ETS2: variants seen among roughly 807,000 people sequenced by gnomAD.
ETS2 encodes ETS proto-oncogene 2, transcription factor.
Under a neutral mutation model 54.9 loss-of-function variants are expected in ETS2, and 19 were observed. The observed-to-expected ratio is 0.35, with a 90% CI of 0.24 to 0.51. ETS2 has a LOEUF of 0.51. ETS2 is among the 20% of genes least tolerant of loss of function. The pLI is 0.97. For synonymous variants in ETS2, 219 were observed against 229.3 expected (o/e 0.95, Z 0.41); for missense variants, 417 against 593.0 (o/e 0.70, Z 3.08).
chr21:38,819,750 G>A lies in ETS2; in HGVS notation c.1059G>A (p.Val353=). The A allele has an allele frequency of 1.2e-6, 2 of 1,613,128 alleles. No homozygotes were observed. Among genetic ancestry groups the A allele is most frequent in the South Asian group, 1.1e-5 (1 of 90,968 alleles). The change falls in exon 8 of 10, where the codon GTG becomes GTA. Residue 353 remains valine (V), a synonymous_variant. Coordinates refer to ENST00000360938, the MANE Select transcript of ETS2 (RefSeq NM_005239.6). ...EQGKPVIPAA[V]LAGFTGSGPI... ...GCAAACCAGTTATACCTGCAGCTGT[G>A]CTGGCCGGCTTCACAGGTGTGTGTG...
At chr21:38,809,909 C>A in intron 1 of ETS2, 126 bp from the exon 2 acceptor site, 1 of 616,784 alleles carries the variant, frequency 1.6e-6, no homozygotes, top group Non-Finnish European at 2.8e-6. Context: ...CAAGAATTCC[C>A]TGCATTCACT....
In ETS2 at chr21:38,823,831, G is replaced by A. The variant is rs150174386; in HGVS notation, c.*942G>A. ...ATATGTTTTCCACTTCTTTGCATGC[G>A]TTTAAGTCAGTTTATACACAAAATG... On this transcript the variant is annotated 3_prime_UTR_variant, in exon 10 of 10. Transcript: ENST00000360938. 5.2e-5 allele frequency: 8 copies of A among 152,616 alleles called. No homozygotes were observed. Among genetic ancestry groups the A allele is most frequent in the African/African-American group, 1.4e-4 (6 of 41,524 alleles). 9.5% of individuals were successfully genotyped at this position (152,616 alleles called of 1,614,324 possible).
intron 9 of ETS2, 59 bp from the exon 10 acceptor site, chr21:38,822,615 T>G (rs991752234): frequency 7.1e-7 from 1 of 1,415,530 alleles, no homozygotes; most frequent in Non-Finnish European, 9.9e-7. Flanking sequence ...AGGAATGTCA[T>G]TCACTTTTTC....
chr21:38,815,045 GA>G (rs2060927827), intron 5 of ETS2, 64 bp downstream of exon 5: 25 of 1,527,498 alleles, frequency 1.6e-5, no homozygotes, highest in Non-Finnish European at 2.2e-5. Context: ...GACTGATTGG[GA>G]AAGTCACGTG....
chr21:38,812,507 A>AC (rs1479257210), intron 2 of ETS2, among the ~76,000 whole-genome samples: 1 of 152,256 alleles, frequency 6.6e-6, no homozygotes, highest in Non-Finnish European at 1.5e-5. Context: ...GTGGCCGGGC[A>AC]CCGTGGCTCA....
At chr21:38,820,395 G>A (rs1381823474) in intron 8 of ETS2, among the ~76,000 whole-genome samples, 1 of 152,108 alleles carries the variant, frequency 6.6e-6, no homozygotes, top group East Asian at 1.9e-4. Context: ...AATCTGATAA[G>A]TTTAAAATAA....
rs926030377 is a variant in ETS2, at chr21:38,806,888, T to G, written c.-1+768T>G. 22 of 958,558 alleles carry G rather than the reference T, an allele frequency of 2.3e-5. No individual in the cohort carries two copies. Among genetic ancestry groups the G allele is most frequent in the Non-Finnish European group, 2.7e-5 (22 of 805,546 alleles). 59.4% of individuals were successfully genotyped at this position (958,558 alleles called of 1,614,324 possible). ...ATTTTTTACGGCAGGAGACCTTTTA[T>G]GTTAGCCTGTACACAATTTCAGGGT... On this transcript the variant is annotated intron_variant, in intron 1 of 9. Transcript: ENST00000360938. The surrounding 1 kb of genome is among the most constrained non-coding windows in gnomAD (Gnocchi z 4.3).
chr21:38,818,378 G>A, intron 6 of ETS2, 47 bp from the exon 7 acceptor site: 2 of 1,611,864 alleles, frequency 1.2e-6, no homozygotes, highest in Non-Finnish European at 1.7e-6. Flanking sequence ...TAGTTACTGG[G>A]GTAACACTGA....
intron 6 of ETS2, 86 bp from the exon 7 acceptor site, chr21:38,818,339 G>C: frequency 6.3e-7 from 1 of 1,588,252 alleles, no homozygotes; most frequent in Non-Finnish European, 8.6e-7. Flanking sequence ...AGTGTGCGGA[G>C]TGCTCACCTG....
intron 5 of ETS2, among the ~76,000 whole-genome samples, chr21:38,816,351 A>G (rs377597393): frequency 3.3e-5 from 5 of 152,214 alleles, no homozygotes; most frequent in East Asian, 1.9e-4. Flanking sequence ...GAACTTGGAC[A>G]GGGCTTTTCT....
upstream of ETS2, chr21:38,805,662 T>C: frequency 8.4e-7 from 1 of 1,194,760 alleles, no homozygotes; most frequent in Non-Finnish European, 1.1e-6. This position sits in a 1 kb window ranked among gnomAD's most constrained non-coding sequence, Gnocchi z 5.2. Flanking sequence ...CCTCGCCGCC[T>C]CCGCCCTCCT....
At chr21:38,805,601 A>G, upstream of ETS2, 1 of 1,262,508 alleles carries the variant, frequency 7.9e-7, no homozygotes, top group Non-Finnish European at 1.0e-6. This position sits in a 1 kb window ranked among gnomAD's most constrained non-coding sequence, Gnocchi z 5.2. Context: ...GAGTGACAGC[A>G]GGAGGCGGAG....
chr21:38,806,495 C>A lies in ETS2; in HGVS notation c.-1+375C>A, dbSNP rs1447844982. ...GGGTCCTGCCCAGTGGATGTCCCGG[C>A]GAACATGATTTCGCGAACGGGAGTG... On this transcript the variant is annotated intron_variant, in intron 1 of 9. Coordinates refer to ENST00000360938, the MANE Select transcript of ETS2 (RefSeq NM_005239.6). The surrounding 1 kb of genome is among the most constrained non-coding windows in gnomAD (Gnocchi z 4.3). The A allele has an allele frequency of 1.0e-6, 1 of 985,476 alleles. No homozygotes were observed. 61.0% of individuals were successfully genotyped at this position (985,476 alleles called of 1,614,324 possible).
intron 1 of ETS2, among the ~76,000 whole-genome samples, chr21:38,807,951 G>T (rs1473345537): frequency 6.6e-6 from 1 of 152,192 alleles, no homozygotes; most frequent in African/African-American, 2.4e-5. Flanking sequence ...CTTATTTCAT[G>T]CAGAGAAATG....
chr21:38,813,892 G>T (rs751940105), intron 3 of ETS2, among the ~76,000 whole-genome samples: 1 of 152,144 alleles, frequency 6.6e-6, no homozygotes, highest in Non-Finnish European at 1.5e-5. Flanking sequence ...TCAGCTCTAC[G>T]CCTAGTTTAA....
Position 38,806,507 on chromosome 21 carries a change from C to T in ETS2, c.-1+387C>T, listed in dbSNP as rs1336708894. 1.0e-5 allele frequency: 10 copies of T among 985,360 alleles called. No individual in the cohort carries two copies. The highest frequency in any genetic ancestry group is 1.7e-5 in the African/African-American group (1 of 57,246). The allele number at this position is 985,360 out of a possible 1,614,324, so 61.0% of individuals were successfully genotyped here. ...GTGGATGTCCCGGCGAACATGATTT[C>T]GCGAACGGGAGTGGGGGCACAGGAG... is the stretch of plus-strand genomic sequence containing the variant. On this transcript the variant is annotated intron_variant, in intron 1 of 9. Transcript: ENST00000360938. The surrounding 1 kb of genome is among the most constrained non-coding windows in gnomAD (Gnocchi z 4.3).
At chr21:38,818,331 T>A in intron 6 of ETS2, 94 bp from the exon 7 acceptor site, 1 of 1,554,472 alleles carries the variant, frequency 6.4e-7, no homozygotes, top group Non-Finnish European at 8.8e-7. Context: ...AGGGCTGGAG[T>A]GTGCGGAGTG....
Position 38,819,774 on chromosome 21 carries a change from TGGAACTCC to T in ETS2, c.1075+10_1075+17del, listed in dbSNP as rs1385394414. The T allele has an allele frequency of 1.2e-6, 2 of 1,609,926 alleles. No individual in the cohort carries two copies. Among genetic ancestry groups the T allele is most frequent in the Non-Finnish European group, 1.7e-6 (2 of 1,178,188 alleles). On this transcript the variant is annotated intron_variant, in intron 8 of 9. Transcript: ENST00000360938. ...TGCTGGCCGGCTTCACAGGTGTGTG[TGGAACTCC>T]GAGAGCCTGGCCGCCCAGTCTCCTG...
intron 6 of ETS2, among the ~76,000 whole-genome samples, chr21:38,817,305 C>G (rs1224308470): frequency 6.6e-6 from 1 of 152,126 alleles, no homozygotes; most frequent in African/African-American, 2.4e-5. Flanking sequence ...ATTTGGAAGT[C>G]TTAGTATGAA....
Sources: gnomAD v4.1 joint callset for allele counts (sites outside exome capture counted in the v4.1 genomes callset) on GRCh38, gnomAD v4.1.1 for gene constraint, Gnocchi (gnomAD v3.1) non-coding constraint, MANE v1.5 for transcripts, NCBI Gene and HGNC (gene_info 2026-07-23, HGNC 2026-07-21) for gene names.